Variants in RBFOX3 observed in about 807,000 individuals in gnomAD.
RBFOX3 encodes RNA binding protein fox-1 homolog 3.
RBFOX3 carries 17 observed loss-of-function variants against 48.7 expected under a neutral mutation model. That is an observed-to-expected ratio of 0.35 (90% CI 0.24 to 0.52). The LOEUF is 0.52. Among genes scored for constraint, RBFOX3 ranks in the 20% least tolerant of loss-of-function variants. The pLI, the probability that RBFOX3 is intolerant of heterozygous loss-of-function variation, is 0.94. For missense variants in RBFOX3, 382 were observed against 497.5 expected (o/e 0.77, Z 2.21); for synonymous variants, 212 against 209.5 (o/e 1.01, Z -0.10).
At chr17:79,304,354 A>G (rs1371394949) in intron 3 of RBFOX3, among the ~76,000 whole-genome samples, 1 of 151,224 alleles carries the variant, frequency 6.6e-6, no homozygotes, top group Non-Finnish European at 1.5e-5. Context: ...ATATACACAC[A>G]CGTAAATATA....
In RBFOX3 at chr17:79,364,972, A is replaced by C. The variant is rs2057513753; in HGVS notation, c.-174-57148T>G. Among the ~76,000 whole-genome samples the C allele has an allele frequency of 6.6e-6, 1 of 152,172 alleles. No individual in the cohort carries two copies. The highest frequency in any genetic ancestry group is 2.1e-4 in the South Asian group (1 of 4,832). ...TTGGGCAGCAGTCAGCCCAAGGCTCAGAAAGGCAGCATCCAAGCAAAGGGC... is the reference window on the plus strand; with the variant it reads ...TTGGGCAGCAGTCAGCCCAAGGCTCCGAAAGGCAGCATCCAAGCAAAGGGC... On this transcript the variant is annotated intron_variant, in intron 2 of 14. Transcript: ENST00000693108. The surrounding 1 kb of genome is among the most constrained non-coding windows in gnomAD (Gnocchi z 5.1).
In RBFOX3 at chr17:79,196,714, A is replaced by G. The variant is rs868316876; in HGVS notation, c.-34+39052T>C. On this transcript the variant is annotated intron_variant, in intron 4 of 14. Transcript: ENST00000693108. ...GTACAGAAAGTACAGTTAACTCTCA[A>G]TTATCTATGCCAATGGAGTGGAACG... Among the ~76,000 whole-genome samples the G allele has an allele frequency of 2.0e-5, 3 of 152,286 alleles. No individual in the cohort carries two copies. The Middle Eastern group carries it at 0.01, about 518-fold the overall frequency.
At chr17:79,307,314 G>A (rs1453272972) in intron 3 of RBFOX3, among the ~76,000 whole-genome samples, 1 of 152,242 alleles carries the variant, frequency 6.6e-6, no homozygotes, top group East Asian at 1.9e-4. Flanking sequence ...CCCGGTGGGA[G>A]CCACCCAGGA....
chr17:79,334,740 C>T (rs2080928848), intron 2 of RBFOX3, among the ~76,000 whole-genome samples: 1 of 152,230 alleles, frequency 6.6e-6, no homozygotes, highest in South Asian at 2.1e-4. Flanking sequence ...TTTCCAGCCT[C>T]AGTTTCCTCG....
chr17:79,103,160 A>C lies in RBFOX3; in HGVS notation c.507+2T>G. 1.3e-6 allele frequency: 2 copies of C among 1,549,606 alleles called. No individual in the cohort carries two copies. Among genetic ancestry groups the C allele is most frequent in the Non-Finnish European group, 1.7e-6 (2 of 1,145,488 alleles). On this transcript the variant is annotated splice_donor_variant, in intron 8 of 14. Coordinates refer to ENST00000693108, the MANE Select transcript of RBFOX3 (RefSeq NM_001350451.2). LOFTEE classifies it high-confidence loss of function. The surrounding 1 kb of genome is among the most constrained non-coding windows in gnomAD (Gnocchi z 6.1). Reference sequence around the variant, plus strand: ...CCTGCCGCAGCACACTTATCTGAGCACCTCAATTTTCCGTCCCTCTACGAT... The same window carrying C: ...CCTGCCGCAGCACACTTATCTGAGCCCCTCAATTTTCCGTCCCTCTACGAT...
chr17:79,454,548 T>C (rs7502959), intron 2 of RBFOX3, among the ~76,000 whole-genome samples: 116,135 of 151,592 alleles, frequency 0.77, 45,041 homozygotes, highest in South Asian at 0.86. Flanking sequence ...TCCTGGCCTG[T>C]CCACAGCAAA....
chr17:79,435,323 C>T (rs1181793473), intron 2 of RBFOX3, among the ~76,000 whole-genome samples: 1 of 152,178 alleles, frequency 6.6e-6, no homozygotes, highest in Non-Finnish European at 1.5e-5. Context: ...AATAAAGGTA[C>T]CTGCTTATGC....
At chr17:79,520,346 A>T (rs1465045935) in intron 1 of RBFOX3, among the ~76,000 whole-genome samples, 1 of 152,218 alleles carries the variant, frequency 6.6e-6, no homozygotes, top group Admixed American at 6.5e-5. Context: ...GCCAACCTGC[A>T]TCTCCGGGGA....
rs1416671935 is a variant in RBFOX3, at chr17:79,442,360, GGGGAGA to G, written c.-175+40088_-175+40093del. Reference sequence around the variant, plus strand: ...GGGAGGGAGGGAGGGAGGAAGAGGGGGGGAGAGAGAGAGAGAGAGAGAGAGAGAGAG... The same window carrying G: ...GGGAGGGAGGGAGGGAGGAAGAGGGGGAGAGAGAGAGAGAGAGAGAGAGAG... On this transcript the variant is annotated intron_variant, in intron 2 of 14. Coordinates refer to ENST00000693108, the MANE Select transcript of RBFOX3 (RefSeq NM_001350451.2). Among the ~76,000 whole-genome samples the G allele has an allele frequency of 1.3e-4, 4 of 31,396 alleles. 1 individual carries two copies. Among genetic ancestry groups the G allele is most frequent in the African/African-American group, 6.1e-4 (4 of 6,546 alleles). 20.6% of individuals were successfully genotyped at this position (31,396 alleles called of 152,430 possible).
At chr17:79,551,351 C>T (rs1347785369) in intron 1 of RBFOX3, among the ~76,000 whole-genome samples, 5 of 151,978 alleles carry the variant, frequency 3.3e-5, no homozygotes, top group African/African-American at 1.2e-4. Context: ...TTGTCCCCTC[C>T]AAATCTCATG....
chr17:79,399,687 T>C (rs1276960614), intron 2 of RBFOX3, among the ~76,000 whole-genome samples: 3 of 152,364 alleles, frequency 2.0e-5, no homozygotes, highest in Non-Finnish European at 4.4e-5. Flanking sequence ...ATGTCCATTA[T>C]GAAAACCTGT....
intron 9 of RBFOX3, 23 bp from the exon 10 acceptor site, chr17:79,097,768 T>C (rs78259884): frequency 0.02 from 31,400 of 1,541,484 alleles, 1,063 homozygotes; most frequent in African/African-American, 0.15. Context: ...CACAGAGACC[T>C]AGTCACTGCC....
chr17:79,573,557 G>A (rs2092755798), intron 1 of RBFOX3, among the ~76,000 whole-genome samples: 1 of 152,182 alleles, frequency 6.6e-6, no homozygotes, highest in South Asian at 2.1e-4. Flanking sequence ...GACTTCCCCA[G>A]CACGGGAAGA....
intron 2 of RBFOX3, among the ~76,000 whole-genome samples, chr17:79,338,682 C>T (rs2081577611): frequency 6.6e-6 from 1 of 152,192 alleles, no homozygotes; most frequent in Non-Finnish European, 1.5e-5. Flanking sequence ...ATTCCCTGTC[C>T]TTTTTGGAAC....
intron 2 of RBFOX3, among the ~76,000 whole-genome samples, chr17:79,318,340 A>G (rs748801848): frequency 1.3e-5 from 2 of 152,190 alleles, no homozygotes; most frequent in Non-Finnish European, 2.9e-5. Context: ...CCAGGAGATG[A>G]AACTGCTGGG....
chr17:79,404,842 T>C (rs2063337659), intron 2 of RBFOX3, among the ~76,000 whole-genome samples: 2 of 152,170 alleles, frequency 1.3e-5, no homozygotes, highest in Admixed American at 6.5e-5. Context: ...GGCAATTAAC[T>C]CTTTCCTCTA....
At position 79,111,124 on chromosome 17, in the gene RBFOX3, G is replaced by A. The variant is rs537411765; in HGVS notation, c.223-4336C>T. Among the ~76,000 whole-genome samples the A allele has an allele frequency of 2.6e-5, 4 of 152,232 alleles. No individual in the cohort carries two copies. Among genetic ancestry groups the A allele is most frequent in the Non-Finnish European group, 5.9e-5 (4 of 68,042 alleles). On this transcript the variant is annotated intron_variant, in intron 5 of 14. Coordinates refer to ENST00000693108, the MANE Select transcript of RBFOX3 (RefSeq NM_001350451.2). This position sits in a 1 kb window ranked among gnomAD's most constrained non-coding sequence, Gnocchi z 4.2. Reference sequence around the variant, plus strand: ...GTTTCCGAGGAGGCTCAGGCCCGACGGACAGCAGAAAGGACAGAGGTTCAT... The same window carrying A: ...GTTTCCGAGGAGGCTCAGGCCCGACAGACAGCAGAAAGGACAGAGGTTCAT...
intron 4 of RBFOX3, among the ~76,000 whole-genome samples, chr17:79,137,966 T>C (rs913436688): frequency 1.3e-5 from 2 of 152,162 alleles, no homozygotes; most frequent in African/African-American, 4.8e-5. Context: ...TCTTCTTCTC[T>C]AGAAGCCATG....
At chr17:79,395,289 G>A (rs1453642382) in intron 2 of RBFOX3, among the ~76,000 whole-genome samples, 4 of 152,354 alleles carry the variant, frequency 2.6e-5, no homozygotes, top group East Asian at 3.9e-4. Flanking sequence ...TTGGCTCCCT[G>A]CCTGGGAGGA....
Sources: allele counts gnomAD v4.1 joint callset (sites outside exome capture counted in the v4.1 genomes callset), GRCh38; gene constraint gnomAD v4.1.1; non-coding constraint Gnocchi (gnomAD v3.1); transcripts MANE v1.5; gene names NCBI Gene and HGNC (gene_info 2026-07-23, HGNC 2026-07-21).